Variants in NCALD observed in about 807,000 individuals in gnomAD.
NCALD encodes the protein neurocalcin-delta.
In NCALD, 10 loss-of-function variants were observed where a neutral mutation model predicts 18.6. That is an observed-to-expected ratio of 0.54 (90% CI 0.33 to 0.91). The LOEUF is 0.91. Among genes scored for constraint, NCALD ranks in the 40% least tolerant of loss-of-function variants. NCALD has a pLI of 0.03. For missense variants in NCALD, 184 were observed against 247.6 expected (o/e 0.74, Z 1.72); for synonymous variants, 88 against 87.4 (o/e 1.01, Z -0.04).
intron 4 of NCALD, among the ~76,000 whole-genome samples, chr8:101,830,853 G>A (rs1033781292): frequency 4.2e-4 from 63 of 151,566 alleles, no homozygotes; most frequent in African/African-American, 1.4e-3. Context: ...AATTCTTGGA[G>A]AGGAATACTT....
intron 2 of NCALD, among the ~76,000 whole-genome samples, chr8:102,003,487 T>C (rs1821563201): frequency 6.6e-6 from 1 of 152,100 alleles, no homozygotes; most frequent in Admixed American, 6.5e-5. Context: ...CTGAAACTAT[T>C]CCAATCAATA....
intron 1 of NCALD, among the ~76,000 whole-genome samples, chr8:102,084,377 A>G (rs1417377242): frequency 6.6e-6 from 1 of 152,256 alleles, no homozygotes; most frequent in Non-Finnish European, 1.5e-5. Context: ...GGCAAGTTTT[A>G]GAGCAGGAAT....
intron 4 of NCALD, among the ~76,000 whole-genome samples, chr8:101,885,761 A>G (rs1458027962): frequency 1.3e-5 from 2 of 152,224 alleles, no homozygotes; most frequent in African/African-American, 4.8e-5. Flanking sequence ...CTAGAAGCCA[A>G]TAGCATCATA....
chr8:101,808,651 GCAAA>G (rs1813195383), intron 4 of NCALD, among the ~76,000 whole-genome samples: 1 of 152,024 alleles, frequency 6.6e-6, no homozygotes, highest in Admixed American at 6.6e-5. Flanking sequence ...AAACAAATAG[GCAAA>G]CAAACTTGTC....
At chr8:101,995,408 G>C (rs947401328) in intron 2 of NCALD, among the ~76,000 whole-genome samples, 1 of 152,182 alleles carries the variant, frequency 6.6e-6, no homozygotes, top group African/African-American at 2.4e-5. Context: ...TAATTTATAA[G>C]AAAAGAGATT....
chr8:101,922,129 C>A (rs1322534064), intron 2 of NCALD, among the ~76,000 whole-genome samples: 1 of 145,916 alleles, frequency 6.9e-6, no homozygotes, highest in African/African-American at 2.6e-5. Flanking sequence ...ATAATTAACT[C>A]AATTTTAGAC....
At chr8:102,004,262 G>C (rs1298414441) in intron 2 of NCALD, among the ~76,000 whole-genome samples, 2 of 152,180 alleles carry the variant, frequency 1.3e-5, no homozygotes, top group African/African-American at 2.4e-5. Context: ...CAAATCATGA[G>C]TGAACTCCCA....
chr8:101,919,083 G>A (rs998619220), intron 2 of NCALD, among the ~76,000 whole-genome samples: 2 of 152,068 alleles, frequency 1.3e-5, no homozygotes, highest in Admixed American at 6.6e-5. Flanking sequence ...GCAATCCTAA[G>A]CAAAAAGAAC....
intron 1 of NCALD, among the ~76,000 whole-genome samples, chr8:101,739,130 C>T (rs908651210): frequency 2.6e-5 from 4 of 151,972 alleles, no homozygotes; most frequent in Non-Finnish European, 5.9e-5. Context: ...GCTTGAATAT[C>T]ACCCCCTATG....
Position 101,713,755 on chromosome 8 carries a change from C to T in NCALD, c.378+5497G>A, listed in dbSNP as rs551830534. Among the ~76,000 whole-genome samples the T allele has an allele frequency of 1.8e-4, 28 of 152,186 alleles. 1 individual carries two copies. In the South Asian group the frequency reaches 4.8e-3, roughly 26 times the overall value. ...GGAAGAAGTTGAATCCCTGAATAGA[C>T]GAATAACACATTTTGAAATTGAGGC... On this transcript the variant is annotated intron_variant, in intron 2 of 3. Coordinates refer to ENST00000220931, the MANE Select transcript of NCALD (RefSeq NM_032041.3).
At chr8:101,759,475 A>C (rs1037579755) in intron 1 of NCALD, among the ~76,000 whole-genome samples, 4 of 152,206 alleles carry the variant, frequency 2.6e-5, no homozygotes, top group Non-Finnish European at 5.9e-5. Context: ...TGTATGCAGT[A>C]AAATGAGGAA....
At position 101,967,864 on chromosome 8, in the gene NCALD, C is replaced by CAA. The variant is rs544789665; in HGVS notation, c.-156-52007_-156-52006insTT. On this transcript the variant is annotated intron_variant, in intron 2 of 6. Coordinates refer to the NCALD transcript ENST00000311028. ...TGACACACACACACACACACACACA[C>CAA]ACATGCACTCACCCTCAGTCATTTC... Among the ~76,000 whole-genome samples, 152 of 152,082 alleles carry CAA rather than the reference C, an allele frequency of 1.0e-3. 1 individual carries two copies. Among genetic ancestry groups the CAA allele is most frequent in the African/African-American group, 3.1e-3 (129 of 41,456 alleles).
chr8:102,034,773 G>A (rs1186812694), intron 1 of NCALD, among the ~76,000 whole-genome samples: 1 of 152,182 alleles, frequency 6.6e-6, no homozygotes, highest in African/African-American at 2.4e-5. Context: ...AATAGCAGAA[G>A]TGGACCGTGA....
intron 4 of NCALD, among the ~76,000 whole-genome samples, chr8:101,829,971 T>C (rs1814101000): frequency 1.6e-5 from 2 of 125,244 alleles, no homozygotes; most frequent in South Asian, 2.8e-4. Context: ...CCCAGTCACA[T>C]GGGTTTTTTT....
intron 3 of NCALD, among the ~76,000 whole-genome samples, chr8:101,888,072 T>C (rs538682072): frequency 1.3e-5 from 2 of 152,290 alleles, no homozygotes; most frequent in Admixed American, 6.5e-5. Context: ...TGAGGGCCCA[T>C]TGCTGAATCG....
intron 3 of NCALD, among the ~76,000 whole-genome samples, chr8:101,902,406 T>C (rs1817466441): frequency 6.6e-6 from 1 of 152,078 alleles, no homozygotes; most frequent in African/African-American, 2.4e-5. Context: ...TCCTAAGAAA[T>C]GAATACACTC....
At chr8:101,895,626 G>A (rs1817132618) in intron 3 of NCALD, among the ~76,000 whole-genome samples, 3 of 147,952 alleles carry the variant, frequency 2.0e-5, no homozygotes, top group Admixed American at 2.0e-4. Context: ...CACTGTCTCA[G>A]CCCAAAATCT....
intron 1 of NCALD, among the ~76,000 whole-genome samples, chr8:102,111,863 G>A (rs1825651845): frequency 6.6e-6 from 1 of 152,018 alleles, no homozygotes; most frequent in African/African-American, 2.4e-5. Flanking sequence ...CGTAAAAATA[G>A]GGGAAGAAAA....
intron 2 of NCALD, among the ~76,000 whole-genome samples, chr8:101,980,093 C>A (rs2131935700): frequency 6.6e-6 from 1 of 152,266 alleles, no homozygotes; most frequent in East Asian, 1.9e-4. Flanking sequence ...TCCACATCAG[C>A]CTTGGCATCC....
Sources: allele counts gnomAD v4.1 joint callset (sites outside exome capture counted in the v4.1 genomes callset), GRCh38; gene constraint gnomAD v4.1.1; transcripts MANE v1.5; gene names NCBI Gene and HGNC (gene_info 2026-07-23, HGNC 2026-07-21).